The following LRP1B variants were observed in gnomAD, a reference collection of about 807,000 sequenced individuals.
The protein encoded by LRP1B is low-density lipoprotein receptor-related protein 1B.
In LRP1B, 217 loss-of-function variants were observed where a neutral mutation model predicts 556.6. The observed-to-expected ratio is 0.39, with a 90% CI of 0.35 to 0.44. The LOEUF (loss-of-function observed/expected upper bound fraction) is 0.44. LRP1B is among the 20% of genes least tolerant of loss of function. LRP1B has a pLI of 1.00. For synonymous variants in LRP1B, 2,047 were observed against 1,865.8 expected, an observed-to-expected ratio of 1.10 and a Z score of -2.50; for missense variants, 5,053 against 5,620.8, an observed-to-expected ratio of 0.90 and a Z score of 3.23.
intron 1 of LRP1B, among the ~76,000 whole-genome samples, chr2:141,948,820 G>A (rs567109261): frequency 6.6e-6 from 1 of 151,902 alleles, no homozygotes; most frequent in African/African-American, 2.4e-5. Context: ...ACAATAGCAG[G>A]ATCTAAAAAT....
At chr2:140,902,389 C>G (rs1375529308) in intron 23 of LRP1B, among the ~76,000 whole-genome samples, 1 of 152,074 alleles carries the variant, frequency 6.6e-6, no homozygotes, top group Non-Finnish European at 1.5e-5. Context: ...TGTTATGTAA[C>G]CTGCCTAGGG....
chr2:140,377,683 A>C (rs1270031149), intron 68 of LRP1B, among the ~76,000 whole-genome samples: 1 of 152,216 alleles, frequency 6.6e-6, no homozygotes, highest in East Asian at 1.9e-4. Flanking sequence ...AGCTGTGTGT[A>C]CATAGGCCTT....
chr2:141,446,184 ATC>A (rs1681186593), intron 3 of LRP1B, among the ~76,000 whole-genome samples: 1 of 151,132 alleles, frequency 6.6e-6, no homozygotes, highest in Non-Finnish European at 1.5e-5. Context: ...GCCTTTTTTG[ATC>A]TTTGTTGGTT....
At chr2:141,390,690 T>A (rs554895899) in intron 3 of LRP1B, among the ~76,000 whole-genome samples, 1 of 152,306 alleles carries the variant, frequency 6.6e-6, no homozygotes, top group East Asian at 1.9e-4. Context: ...AAAGGTCACA[T>A]ATTATATTAG....
chr2:141,499,145 A>T (rs544342915), intron 2 of LRP1B, among the ~76,000 whole-genome samples: 16 of 152,192 alleles, frequency 1.1e-4, no homozygotes, highest in African/African-American at 3.9e-4. Context: ...CTGTGTTCTA[A>T]GCTTTTTTAG....
chr2:140,949,095 TA>T, intron 20 of LRP1B, among the ~76,000 whole-genome samples: 1 of 152,282 alleles, frequency 6.6e-6, no homozygotes, highest in Non-Finnish European at 1.5e-5. Context: ...GCTCATGGAG[TA>T]TATGATTCCC....
chr2:141,068,193 G>C lies in LRP1B; in HGVS notation c.1014-5920C>G, dbSNP rs190982949. Reference sequence around the variant, plus strand: ...AAGCAAACATTGAAGCGGTGTCCTTGTCTAGGGTAAATACCCGGGGTTCAT... The same window carrying C: ...AAGCAAACATTGAAGCGGTGTCCTTCTCTAGGGTAAATACCCGGGGTTCAT... On this transcript the variant is annotated intron_variant, in intron 7 of 90. Coordinates refer to ENST00000389484, the MANE Select transcript of LRP1B (RefSeq NM_018557.3). Among the ~76,000 whole-genome samples, 5 of 151,956 alleles carry C rather than the reference G, an allele frequency of 3.3e-5. No individual in the cohort carries two copies. In the East Asian group the frequency reaches 9.7e-4, roughly 30 times the overall value.
At chr2:142,021,285 G>A (rs754717898) in intron 1 of LRP1B, among the ~76,000 whole-genome samples, 6 of 151,854 alleles carry the variant, frequency 4.0e-5, no homozygotes, top group Non-Finnish European at 8.8e-5. Flanking sequence ...AGATTTTTGA[G>A]ATTTTAAAAA....
At chr2:141,028,056 G>T (rs569638777) in intron 11 of LRP1B, among the ~76,000 whole-genome samples, 8 of 152,022 alleles carry the variant, frequency 5.3e-5, no homozygotes, top group African/African-American at 1.9e-4. Flanking sequence ...GAAATATACA[G>T]AAATTCTCTG....
intron 3 of LRP1B, among the ~76,000 whole-genome samples, chr2:141,443,199 CAT>C (rs1416256270): frequency 6.6e-6 from 1 of 152,062 alleles, no homozygotes; most frequent in African/African-American, 2.4e-5. Flanking sequence ...AGCTTTTTTT[CAT>C]ATGTTTGTTG....
chr2:142,001,676 G>A (rs115373950), intron 1 of LRP1B, among the ~76,000 whole-genome samples: 2,635 of 152,250 alleles, frequency 0.017, 25 homozygotes, highest in Non-Finnish European at 0.027. Context: ...TTTATTAAAT[G>A]TTGATGTTTT....
intron 1 of LRP1B, among the ~76,000 whole-genome samples, chr2:142,018,467 T>A (rs755538544): frequency 6.6e-6 from 1 of 152,182 alleles, no homozygotes; most frequent in African/African-American, 2.4e-5. Flanking sequence ...GAAAAGAGTT[T>A]ATTTTACTAG....
At chr2:141,058,194 T>C (rs1699235674) in intron 9 of LRP1B, among the ~76,000 whole-genome samples, 2 of 151,890 alleles carry the variant, frequency 1.3e-5, no homozygotes, top group African/African-American at 2.4e-5. Flanking sequence ...TTTGAGTCTG[T>C]TGTAAACATA....
intron 66 of LRP1B, among the ~76,000 whole-genome samples, chr2:140,415,253 C>G (rs1486200812): frequency 6.7e-6 from 1 of 149,932 alleles, no homozygotes; most frequent in East Asian, 1.9e-4. Context: ...TGCCCTCTGC[C>G]TTGTGATCTT....
intron 66 of LRP1B, among the ~76,000 whole-genome samples, chr2:140,421,091 G>T (rs1184626854): frequency 6.6e-6 from 1 of 151,876 alleles, no homozygotes; most frequent in Non-Finnish European, 1.5e-5. Context: ...TCCCATATCT[G>T]CTAAAAATAC....
intron 18 of LRP1B, among the ~76,000 whole-genome samples, chr2:140,970,139 C>T (rs1199404503): frequency 6.6e-6 from 1 of 152,170 alleles, no homozygotes; most frequent in Non-Finnish European, 1.5e-5. Context: ...GTTCCATTCT[C>T]CCTGTCACTT....
chr2:140,267,716 C>T (rs982983561), intron 86 of LRP1B, among the ~76,000 whole-genome samples: 2 of 151,878 alleles, frequency 1.3e-5, no homozygotes, highest in African/African-American at 4.8e-5. Flanking sequence ...ATTGTATACA[C>T]ATTATGCCCA....
intron 7 of LRP1B, among the ~76,000 whole-genome samples, chr2:141,068,193 G>A (rs190982949): frequency 5.5e-4 from 84 of 152,074 alleles, no homozygotes; most frequent in African/African-American, 1.9e-3. Context: ...CGGTGTCCTT[G>A]TCTAGGGTAA....
chr2:140,754,077 TAGA>T (rs1408568875), intron 35 of LRP1B, among the ~76,000 whole-genome samples: 1 of 152,100 alleles, frequency 6.6e-6, no homozygotes, highest in Non-Finnish European at 1.5e-5. Context: ...TGCTCACAGG[TAGA>T]AGCAGTCCAT....
Sources: gnomAD v4.1 joint callset for allele counts (sites outside exome capture counted in the v4.1 genomes callset) on GRCh38, gnomAD v4.1.1 for gene constraint, MANE v1.5 for transcripts, NCBI Gene and HGNC (gene_info 2026-07-23, HGNC 2026-07-21) for gene names.